Variants in PCDH15 observed in about 807,000 individuals in gnomAD.
PCDH15 encodes protocadherin-15.
In PCDH15, 129 loss-of-function variants were observed where a neutral mutation model predicts 178.5. That is an observed-to-expected ratio of 0.72 (90% CI 0.63 to 0.84). The LOEUF (loss-of-function observed/expected upper bound fraction) is 0.84. PCDH15 is among the 40% of genes least tolerant of loss of function. The probability of loss-of-function intolerance (pLI) is 0.00; values close to 1 mark genes in which losing one functional copy is unlikely to be tolerated. For synonymous variants in PCDH15, 800 were observed against 732.0 expected (o/e 1.09, Z -1.50); for missense variants, 2,230 against 2,099.9 (o/e 1.06, Z -1.21).
At chr10:53,953,267 T>C (rs575368711) in intron 23 of PCDH15, among the ~76,000 whole-genome samples, 10 of 152,376 alleles carry the variant, frequency 6.6e-5, no homozygotes, top group African/African-American at 1.7e-4. Flanking sequence ...GATAGAACAA[T>C]TGATCATTAA....
rs1433005507 is a variant in PCDH15, at chr10:53,990,468, A to G, written c.2868+5181T>C. On this transcript the variant is annotated intron_variant, in intron 21 of 37. Transcript: ENST00000644397. ...ATCAGTATTAAAGCCTGAAAAAAGA[A>G]GTCTTAAAAGTCTACATAATTCTCA... Among the ~76,000 whole-genome samples the G allele has an allele frequency of 2.0e-5, 3 of 149,978 alleles. No homozygotes were observed. In the East Asian group the frequency reaches 5.8e-4, roughly 29 times the overall value.
intron 3 of PCDH15, among the ~76,000 whole-genome samples, chr10:54,389,802 ATTAACCAGGC>A (rs1490115412): frequency 3.3e-5 from 5 of 150,720 alleles, no homozygotes; most frequent in Non-Finnish European, 7.4e-5. Context: ...AAAAAAAAAA[ATTAACCAGGC>A]ATGGTGGTGG....
chr10:53,884,135 C>T (rs1167425846), intron 26 of PCDH15, among the ~76,000 whole-genome samples: 1 of 152,208 alleles, frequency 6.6e-6, no homozygotes, highest in East Asian at 1.9e-4. Flanking sequence ...GGCCAACTTG[C>T]TCTAAACCAA....
intron 2 of PCDH15, among the ~76,000 whole-genome samples, chr10:55,546,843 A>G (rs571860919): frequency 1.1e-4 from 16 of 152,300 alleles, no homozygotes; most frequent in African/African-American, 3.8e-4. Flanking sequence ...AATTAGAATA[A>G]CAAGAAAATT....
intron 2 of PCDH15, among the ~76,000 whole-genome samples, chr10:55,500,668 G>C (rs943522954): frequency 2.6e-5 from 4 of 151,656 alleles, no homozygotes; most frequent in African/African-American, 9.7e-5. Flanking sequence ...CATCCATATG[G>C]AATTATGGAC....
chr10:55,523,141 A>G (rs1453474900), intron 2 of PCDH15, among the ~76,000 whole-genome samples: 1 of 150,828 alleles, frequency 6.6e-6, no homozygotes, highest in East Asian at 2.0e-4. Flanking sequence ...AGCTTCATGA[A>G]TCTGAACATT....
At chr10:55,217,903 T>A (rs1436699101) in intron 1 of PCDH15, among the ~76,000 whole-genome samples, 1 of 152,008 alleles carries the variant, frequency 6.6e-6, no homozygotes, top group East Asian at 1.9e-4. Context: ...TCTAACAGCT[T>A]TTTTGTAAAC....
At chr10:54,123,130 T>C (rs1404904861) in intron 15 of PCDH15, among the ~76,000 whole-genome samples, 1 of 152,038 alleles carries the variant, frequency 6.6e-6, no homozygotes, top group East Asian at 1.9e-4. Context: ...TATGATTAAG[T>C]CCTCGAAAGC....
At chr10:54,599,490 A>G (rs1293959572) in intron 2 of PCDH15, among the ~76,000 whole-genome samples, 1 of 152,024 alleles carries the variant, frequency 6.6e-6, no homozygotes, top group Admixed American at 6.6e-5. Flanking sequence ...TCCTTACATC[A>G]TATACAAAAA....
chr10:54,937,056 G>C (rs1354666539), intron 2 of PCDH15, among the ~76,000 whole-genome samples: 3 of 151,872 alleles, frequency 2.0e-5, no homozygotes, highest in African/African-American at 4.8e-5. Flanking sequence ...TAATTGTTGT[G>C]TATGTATTTA....
At chr10:54,743,031 C>T (rs549583972) in intron 1 of PCDH15, among the ~76,000 whole-genome samples, 76 of 151,950 alleles carry the variant, frequency 5.0e-4, no homozygotes, top group Admixed American at 4.6e-4. Flanking sequence ...CAACACAGTG[C>T]GGAGTGTTTA....
chr10:54,770,889 G>A (rs777416721), intron 1 of PCDH15, among the ~76,000 whole-genome samples: 7 of 151,966 alleles, frequency 4.6e-5, no homozygotes, highest in Non-Finnish European at 1.0e-4. Context: ...CTTTGCATAT[G>A]TGTCCTCCTG....
At chr10:55,381,895 A>G (rs1052968292) in intron 2 of PCDH15, among the ~76,000 whole-genome samples, 1 of 152,150 alleles carries the variant, frequency 6.6e-6, no homozygotes. Flanking sequence ...GATTGGCTGG[A>G]GGAAACAAGT....
At chr10:55,271,554 T>C (rs189539001) in intron 1 of PCDH15, among the ~76,000 whole-genome samples, 37 of 152,202 alleles carry the variant, frequency 2.4e-4, no homozygotes, top group Admixed American at 1.4e-3. Context: ...TTAAAAAGAC[T>C]AGTGGACCAC....
chr10:55,549,990 A>G (rs566477044), intron 2 of PCDH15, among the ~76,000 whole-genome samples: 3 of 151,922 alleles, frequency 2.0e-5, no homozygotes, highest in African/African-American at 7.2e-5. Flanking sequence ...TTTCTCTAAG[A>G]CTCAATGATT....
At chr10:54,823,723 C>T (rs576228966) in intron 3 of PCDH15, among the ~76,000 whole-genome samples, 30 of 151,938 alleles carry the variant, frequency 2.0e-4, no homozygotes, top group African/African-American at 7.0e-4. Flanking sequence ...TGGTGCTATT[C>T]TACTTCATTT....
intron 15 of PCDH15, among the ~76,000 whole-genome samples, chr10:54,103,121 ACTGGCTCAACT>A (rs1180529931): frequency 6.6e-6 from 1 of 152,152 alleles, no homozygotes; most frequent in Admixed American, 6.5e-5. Context: ...GGGTCTGTAA[ACTGGCTCAACT>A]CTGGAAATTG....
chr10:54,359,285 A>G (rs952938550), intron 5 of PCDH15, among the ~76,000 whole-genome samples: 1 of 152,036 alleles, frequency 6.6e-6, no homozygotes, highest in Non-Finnish European at 1.5e-5. Context: ...AACAAAAACT[A>G]AAACCATCTG....
intron 6 of PCDH15, among the ~76,000 whole-genome samples, chr10:54,344,141 T>G (rs1942797989): frequency 6.6e-6 from 1 of 152,200 alleles, no homozygotes; most frequent in Admixed American, 6.5e-5. Context: ...CTCCCTAAGA[T>G]TGTACCTTGG....
Sources: allele counts gnomAD v4.1 joint callset (sites outside exome capture counted in the v4.1 genomes callset), GRCh38; gene constraint gnomAD v4.1.1; transcripts MANE v1.5; gene names NCBI Gene and HGNC (gene_info 2026-07-23, HGNC 2026-07-21).